Variants in DAB1 observed in about 807,000 individuals in gnomAD.
DAB1 encodes the protein DAB adaptor protein 1.
In DAB1, 15 loss-of-function variants were observed where a neutral mutation model predicts 64.6. That is an observed-to-expected ratio of 0.23 (90% CI 0.16 to 0.36). The LOEUF is 0.36. Ranked by LOEUF, DAB1 falls within the 10% of genes least tolerant of loss-of-function variation. The probability of loss-of-function intolerance (pLI) is 1.00; values close to 1 mark genes in which losing one functional copy is unlikely to be tolerated. For missense variants in DAB1, 596 were observed against 706.7 expected (o/e 0.84, Z 1.78); for synonymous variants, 235 against 251.9 (o/e 0.93, Z 0.64).
chr1:57,365,381 GT>G (rs1679912942), intron 1 of DAB1, among the ~76,000 whole-genome samples: 1 of 140,436 alleles, frequency 7.1e-6, no homozygotes, highest in South Asian at 2.2e-4. Flanking sequence ...ATATTTATAT[GT>G]ATTACATATA....
Position 57,530,637 on chromosome 1 carries a change from TA to T in DAB1, n.625+118954del, listed in dbSNP as rs530877188. ...AATATTACTTGGGGAACCAAGCAAT[TA>T]TATTGTGAAGAGAGGGAAAGAAAAA... On this transcript the variant is annotated intron_variant and non_coding_transcript_variant, in intron 7 of 20. Coordinates refer to the DAB1 transcript ENST00000485760. Among the ~76,000 whole-genome samples the T allele has an allele frequency of 7.4e-3, 1,131 of 152,288 alleles. 11 individuals carry two copies. The highest frequency in any genetic ancestry group is 0.02 in the Middle Eastern group (6 of 294).
intron 5 of DAB1, among the ~76,000 whole-genome samples, chr1:57,929,338 T>C (rs1644923346): frequency 6.6e-6 from 1 of 152,262 alleles, no homozygotes; most frequent in South Asian, 2.1e-4. Flanking sequence ...ACAAATGTGT[T>C]TCAAATATGT....
chr1:57,771,870 C>T (rs899845305), intron 6 of DAB1, among the ~76,000 whole-genome samples: 1 of 152,150 alleles, frequency 6.6e-6, no homozygotes, highest in Non-Finnish European at 1.5e-5. Flanking sequence ...TGTTTGACTT[C>T]TGGCTTCTTG....
chr1:58,504,612 T>C (rs528326009), intron 3 of DAB1, among the ~76,000 whole-genome samples: 2 of 152,342 alleles, frequency 1.3e-5, no homozygotes, highest in East Asian at 3.9e-4. Context: ...AAACAGACTG[T>C]TTTGTTCCTT....
Position 57,010,782 on chromosome 1 carries a change from T to A in DAB1, c.1581A>T (p.Gly527=). The A allele has an allele frequency of 6.4e-7, 1 of 1,572,570 alleles. No homozygotes were observed. The highest frequency in any genetic ancestry group is 8.6e-7 in the Non-Finnish European group (1 of 1,158,648). Residue 527 remains glycine (G), a synonymous_variant, in exon 14 of 15, where the codon GGA becomes GGT. Transcript: ENST00000371236. ...GATCACTGTTGGATGAGGCCTGTGA[T>A]CCATCAGGCTAGAACACAAGAAGAT... The part of the protein sequence containing the change: ...SKSEEQEAPD[G]SQASSNSDPF...
At chr1:58,140,845 T>C (rs1654243244) in intron 5 of DAB1, among the ~76,000 whole-genome samples, 1 of 152,184 alleles carries the variant, frequency 6.6e-6, no homozygotes, top group Non-Finnish European at 1.5e-5. Flanking sequence ...AGGTATTAAG[T>C]ACAACTCTTG....
At chr1:57,132,061 CTTAA>C (rs1657693147) in intron 4 of DAB1, among the ~76,000 whole-genome samples, 1 of 152,080 alleles carries the variant, frequency 6.6e-6, no homozygotes, top group South Asian at 2.1e-4. Context: ...TCTTCCCTTA[CTTAA>C]TTATCTGGTC....
chr1:58,490,700 G>A (rs1306823984), intron 3 of DAB1, among the ~76,000 whole-genome samples: 6 of 151,834 alleles, frequency 4.0e-5, no homozygotes, highest in African/African-American at 4.8e-5. Flanking sequence ...GAGAAAGGTC[G>A]GGTTACCCAC....
chr1:57,947,369 T>TG (rs1645199598), intron 5 of DAB1, among the ~76,000 whole-genome samples: 1 of 152,074 alleles, frequency 6.6e-6, no homozygotes, highest in African/African-American at 2.4e-5. Context: ...CCCAGCAACC[T>TG]CTGCACTTCA....
chr1:57,011,095 G>A lies in DAB1; in HGVS notation c.1572+50C>T, dbSNP rs929790222. The A allele has an allele frequency of 5.6e-6, 9 of 1,609,662 alleles. No homozygotes were observed. The Admixed American group carries it at 1.2e-4, about 21-fold the overall frequency. ...ATGCATTATCCATTTCAGTTACAGA[G>A]GTCTTAATTTTAAGGAAAAACACAA... On this transcript the variant is annotated intron_variant, in intron 13 of 14. Transcript: ENST00000371236.
At position 57,419,350 on chromosome 1, in the gene DAB1, C is replaced by T. The variant is rs1004404753; in HGVS notation, c.-137+4580G>A. On this transcript the variant is annotated intron_variant, in intron 1 of 14. Coordinates refer to ENST00000371236, the MANE Select transcript of DAB1 (RefSeq NM_001365792.1). ...TGTAAATTAGGACAGTTGACAAACA[C>T]ACCTCTAGAATTCAATCAAAGTCAT... is the stretch of plus-strand genomic sequence containing the variant. 1.9e-4 allele frequency among the ~76,000 whole-genome samples: 29 copies of T among 152,174 alleles called. 1 individual carries two copies. The highest frequency in any genetic ancestry group is 1.8e-3 in the Admixed American group (27 of 15,284).
chr1:57,518,787 C>T (rs1644492319), intron 7 of DAB1, among the ~76,000 whole-genome samples: 1 of 152,184 alleles, frequency 6.6e-6, no homozygotes, highest in African/African-American at 2.4e-5. Context: ...TCCTTCTAAT[C>T]CCATTTTCAG....
At chr1:57,215,462 T>C (rs1029764981) in intron 2 of DAB1, among the ~76,000 whole-genome samples, 2 of 152,178 alleles carry the variant, frequency 1.3e-5, no homozygotes, top group Non-Finnish European at 2.9e-5. Context: ...GCACCCTGAA[T>C]TATGTCCTAT....
chr1:58,109,596 T>C (rs558562178), intron 5 of DAB1, among the ~76,000 whole-genome samples: 4 of 151,942 alleles, frequency 2.6e-5, no homozygotes, highest in Non-Finnish European at 4.4e-5. Context: ...GTATTTTTAG[T>C]AGCCTAAAAA....
intron 4 of DAB1, among the ~76,000 whole-genome samples, chr1:58,218,369 G>A (rs547824243): frequency 1.3e-5 from 2 of 152,260 alleles, no homozygotes; most frequent in African/African-American, 2.4e-5. Context: ...CTAGGGTCAG[G>A]GTTGAGCCAA....
chr1:57,017,754 G>A (rs112461521), intron 11 of DAB1, among the ~76,000 whole-genome samples: 31 of 152,326 alleles, frequency 2.0e-4, no homozygotes, highest in African/African-American at 6.7e-4. Context: ...AGAGGCCCTG[G>A]AGCTGAAATT....
At chr1:57,018,972 C>G (rs975341887) in intron 11 of DAB1, among the ~76,000 whole-genome samples, 1 of 152,118 alleles carries the variant, frequency 6.6e-6, no homozygotes, top group African/African-American at 2.4e-5. Flanking sequence ...CCCTGATTTG[C>G]TCTTGGAGAC....
chr1:58,248,321 G>A (rs1660646734), intron 4 of DAB1, among the ~76,000 whole-genome samples: 2 of 151,988 alleles, frequency 1.3e-5, no homozygotes. Flanking sequence ...TACTCCTTCC[G>A]CTCAGCTCAG....
At chr1:58,291,394 A>G (rs1028442945) in intron 4 of DAB1, among the ~76,000 whole-genome samples, 2 of 152,140 alleles carry the variant, frequency 1.3e-5, no homozygotes, top group African/African-American at 4.8e-5. Flanking sequence ...TTCCTTCCAC[A>G]ATCAAAACTT....
Sources: gnomAD v4.1 joint callset for allele counts (sites outside exome capture counted in the v4.1 genomes callset) on GRCh38, gnomAD v4.1.1 for gene constraint, MANE v1.5 for transcripts, NCBI Gene and HGNC (gene_info 2026-07-23, HGNC 2026-07-21) for gene names.